Variants in PEX5L observed in about 807,000 individuals in gnomAD.
The protein encoded by PEX5L is PEX5-related protein.
In PEX5L, 30 loss-of-function variants were observed where a neutral mutation model predicts 84.0. That is an observed-to-expected ratio of 0.36 (90% CI 0.27 to 0.48). The LOEUF is 0.48. Ranked by LOEUF, PEX5L falls within the 20% of genes least tolerant of loss-of-function variation. The pLI is 0.99. For synonymous variants in PEX5L, 270 were observed against 283.1 expected, an observed-to-expected ratio of 0.95 and a Z score of 0.46; for missense variants, 533 against 754.6, an observed-to-expected ratio of 0.71 and a Z score of 3.44.
rs768089569 is a variant in PEX5L at position 179,795,366 on chromosome 3, C to G, written c.*6462G>C. 2.0e-5 allele frequency: 3 copies of G among 152,094 alleles called. No homozygotes were observed. The highest frequency in any genetic ancestry group is 4.4e-5 in the Non-Finnish European group (3 of 68,008). 9.4% of individuals were successfully genotyped at this position (152,094 alleles called of 1,614,324 possible). ...CAAAAATACTACCTTAATCTTGTTA[C>G]GCAAATTAGAAGCCAACTGAGTAAA... On this transcript the variant is annotated 3_prime_UTR_variant, in exon 15 of 15. Coordinates refer to ENST00000467460, the MANE Select transcript of PEX5L (RefSeq NM_016559.3).
At chr3:179,915,478 C>T (rs554138930) in intron 2 of PEX5L, among the ~76,000 whole-genome samples, 1 of 152,174 alleles carries the variant, frequency 6.6e-6, no homozygotes, top group Non-Finnish European at 1.5e-5. Flanking sequence ...GAAACCAACA[C>T]AAATTACCTT....
At chr3:179,802,170 T>G (rs1224563992) in intron 14 of PEX5L, 138 bp from the exon 15 acceptor site, 9 of 649,528 alleles carry the variant, frequency 1.4e-5, no homozygotes, top group Non-Finnish European at 2.5e-5. Flanking sequence ...GATGATCAAA[T>G]GAACAACTTT....
At chr3:179,837,028 A>G (rs1184545123) in intron 8 of PEX5L, among the ~76,000 whole-genome samples, 3 of 152,198 alleles carry the variant, frequency 2.0e-5, no homozygotes, top group Admixed American at 6.5e-5. Flanking sequence ...ATTATATTTT[A>G]GAAGAAAAAC....
chr3:179,914,033 G>T (rs908307570), intron 2 of PEX5L, among the ~76,000 whole-genome samples: 7 of 152,184 alleles, frequency 4.6e-5, no homozygotes, highest in African/African-American at 1.4e-4. Flanking sequence ...GCACAGGCAA[G>T]AGGAAGGACT....
At chr3:180,004,958 T>C (rs1788743146) in intron 1 of PEX5L, among the ~76,000 whole-genome samples, 1 of 152,180 alleles carries the variant, frequency 6.6e-6, no homozygotes, top group African/African-American at 2.4e-5. Flanking sequence ...GTAAATGTGG[T>C]GTCTAGAATA....
intron 3 of PEX5L, among the ~76,000 whole-genome samples, chr3:179,897,056 AT>A (rs1350433361): frequency 6.6e-6 from 1 of 152,144 alleles, no homozygotes; most frequent in Non-Finnish European, 1.5e-5. Flanking sequence ...TTGATGTTAT[AT>A]GTTATAATTT....
chr3:179,900,086 A>T (rs139856009), intron 2 of PEX5L, among the ~76,000 whole-genome samples: 1 of 152,228 alleles, frequency 6.6e-6, no homozygotes, highest in Non-Finnish European at 1.5e-5. Flanking sequence ...TTATCAAAAT[A>T]TAAAAATTAT....
intron 2 of PEX5L, among the ~76,000 whole-genome samples, chr3:179,913,067 T>G (rs1765731421): frequency 6.6e-6 from 1 of 152,168 alleles, no homozygotes; most frequent in Non-Finnish European, 1.5e-5. Flanking sequence ...AAAAGGTGTT[T>G]TGTTCCCTTT....
At chr3:179,838,628 A>C (rs1305027910) in intron 8 of PEX5L, among the ~76,000 whole-genome samples, 1 of 152,176 alleles carries the variant, frequency 6.6e-6, no homozygotes, top group Non-Finnish European at 1.5e-5. Context: ...TTGCATCTTG[A>C]CTGTTGTCTA....
rs1256179277 is a variant in PEX5L, at chr3:179,917,657, C to CT, written c.94-19412dup. On this transcript the variant is annotated intron_variant, in intron 2 of 14. Transcript: ENST00000467460. Reference sequence around the variant, plus strand: ...TGTGGTCTGTTGTTGACTGAAACGTCTTTTTTTTTTGAGACGGAGTTTTGC... The same window carrying CT: ...TGTGGTCTGTTGTTGACTGAAACGTCTTTTTTTTTTTGAGACGGAGTTTTGC... 1.0e-3 allele frequency among the ~76,000 whole-genome samples: 150 copies of CT among 149,098 alleles called. 1 individual carries two copies. Among genetic ancestry groups the CT allele is most frequent in the Middle Eastern group, 7.0e-3 (2 of 286 alleles).
chr3:179,821,657 A>G (rs536017599), intron 8 of PEX5L, among the ~76,000 whole-genome samples: 1 of 152,334 alleles, frequency 6.6e-6, no homozygotes, highest in Non-Finnish European at 1.5e-5. Context: ...AGGCATCTTG[A>G]TAATCTATGT....
intron 14 of PEX5L, among the ~76,000 whole-genome samples, chr3:179,804,865 T>A (rs1720597755): frequency 6.6e-6 from 1 of 152,174 alleles, no homozygotes; most frequent in Non-Finnish European, 1.5e-5. Flanking sequence ...ATGCCTGTAA[T>A]CCCCGCACTT....
At chr3:180,011,908 A>G (rs551064968) in intron 1 of PEX5L, among the ~76,000 whole-genome samples, 60 of 152,352 alleles carry the variant, frequency 3.9e-4, no homozygotes, top group African/African-American at 1.4e-3. Flanking sequence ...TTTGGAAAGA[A>G]GAACGACCAT....
intron 8 of PEX5L, among the ~76,000 whole-genome samples, chr3:179,850,851 G>T (rs1351181313): frequency 6.6e-6 from 1 of 152,132 alleles, no homozygotes; most frequent in Non-Finnish European, 1.5e-5. Flanking sequence ...GTCATAGAAA[G>T]CAAAAGAAAA....
intron 11 of PEX5L, 138 bp downstream of exon 11, chr3:179,811,663 G>C: frequency 2.9e-6 from 2 of 694,072 alleles, no homozygotes; most frequent in Admixed American, 4.4e-5. Context: ...AAGTGTGAGT[G>C]ATATGCGGTA....
chr3:179,840,380 G>T (rs1736755664), intron 8 of PEX5L, among the ~76,000 whole-genome samples: 1 of 151,866 alleles, frequency 6.6e-6, no homozygotes, highest in East Asian at 1.9e-4. Context: ...GTAGAGACAG[G>T]GTTTCACCAT....
intron 2 of PEX5L, among the ~76,000 whole-genome samples, chr3:179,923,977 T>C (rs1179619073): frequency 6.6e-6 from 1 of 152,198 alleles, no homozygotes; most frequent in Non-Finnish European, 1.5e-5. Context: ...CGGCAGTGAA[T>C]ATCAAAACCT....
chr3:179,917,221 C>G (rs1039293312), intron 2 of PEX5L, among the ~76,000 whole-genome samples: 16 of 152,130 alleles, frequency 1.1e-4, no homozygotes, highest in Non-Finnish European at 1.9e-4. Context: ...ACATCTTGTC[C>G]CACTGGAAAG....
intron 11 of PEX5L, among the ~76,000 whole-genome samples, chr3:179,810,479 T>A (rs1409307014): frequency 6.6e-6 from 1 of 152,142 alleles, no homozygotes; most frequent in African/African-American, 2.4e-5. Context: ...TCCCCCTCAT[T>A]CTATTCCACT....
Sources: gnomAD v4.1 joint callset for allele counts (sites outside exome capture counted in the v4.1 genomes callset) on GRCh38, gnomAD v4.1.1 for gene constraint, MANE v1.5 for transcripts, NCBI Gene and HGNC (gene_info 2026-07-23, HGNC 2026-07-21) for gene names.